JARID2: variants seen among roughly 807,000 people sequenced by gnomAD.
The protein encoded by JARID2 is protein Jumonji.
In JARID2, 21 loss-of-function variants were observed where a neutral mutation model predicts 125.6. The observed-to-expected ratio is 0.17, with a 90% CI of 0.12 to 0.24. The LOEUF (loss-of-function observed/expected upper bound fraction) is 0.24, where lower values mean the gene tolerates loss of function less well. JARID2 is among the 10% of genes least tolerant of loss of function. JARID2 has a pLI of 1.00. For synonymous variants in JARID2, 736 were observed against 661.6 expected, an observed-to-expected ratio of 1.11 and a Z score of -1.73; for missense variants, 1,303 against 1,639.6, an observed-to-expected ratio of 0.79 and a Z score of 3.55.
In JARID2 at chr6:15,394,688, G is replaced by T. The variant is rs189147525; in HGVS notation, c.182-15536G>T. Reference sequence around the variant, plus strand: ...TGTTACCTTTGTATGTTTTGAAATTGTACTGGAATAACACCTGTCAAATGG... The same window carrying T: ...TGTTACCTTTGTATGTTTTGAAATTTTACTGGAATAACACCTGTCAAATGG... On this transcript the variant is annotated intron_variant, in intron 2 of 17. Coordinates refer to ENST00000341776, the MANE Select transcript of JARID2 (RefSeq NM_004973.4). Among the ~76,000 whole-genome samples the T allele has an allele frequency of 1.9e-4, 29 of 152,300 alleles. No homozygotes were observed. In the East Asian group the frequency reaches 5.2e-3, roughly 27 times the overall value.
At chr6:15,500,527 C>T (rs890190018) in intron 7 of JARID2, among the ~76,000 whole-genome samples, 6 of 152,166 alleles carry the variant, frequency 3.9e-5, no homozygotes, top group Non-Finnish European at 7.4e-5. Flanking sequence ...GGGAGCTAGT[C>T]TTCTCATGAC....
chr6:15,520,277 A>G lies in JARID2; in HGVS notation c.*26A>G, dbSNP rs1174335290. 2 of 1,529,774 alleles carry G rather than the reference A, an allele frequency of 1.3e-6. No homozygotes were observed. Among genetic ancestry groups the G allele is most frequent in the Non-Finnish European group, 1.8e-6 (2 of 1,140,092 alleles). 94.8% of individuals were successfully genotyped at this position (1,529,774 alleles called of 1,614,324 possible). A position where few individuals can be genotyped will look rare whatever the true frequency, so the allele number is the denominator to read the frequency against. ...AGATGCCAACGCCCGTGGTCGATTT[A>G]TATATATTTTTTTGTAATTATTATA... On this transcript the variant is annotated 3_prime_UTR_variant, in exon 18 of 18. Transcript: ENST00000341776.
intron 4 of JARID2, among the ~76,000 whole-genome samples, chr6:15,452,608 G>A (rs1322034183): frequency 1.3e-5 from 2 of 152,122 alleles, no homozygotes; most frequent in African/African-American, 4.8e-5. Flanking sequence ...GGTGATGAGG[G>A]ACTTACGGTT....
chr6:15,501,531 G>C lies in JARID2; in HGVS notation c.2448+122G>C, dbSNP rs144195633. On this transcript the variant is annotated intron_variant, in intron 8 of 17. Transcript: ENST00000341776. ...TGATTCCCTGGGGTGATGAGGGGGC[G>C]GGCCACTGTGCTGGGTGATAGCGCT... 1.0e-5 allele frequency: 9 copies of C among 894,988 alleles called. No homozygotes were observed. The East Asian group carries it at 2.1e-4, about 21-fold the overall frequency. The allele number at this position is 894,988 out of a possible 1,614,324, so 55.4% of individuals were successfully genotyped here.
chr6:15,501,910 A>G (rs1581653938), intron 8 of JARID2, among the ~76,000 whole-genome samples: 1 of 152,148 alleles, frequency 6.6e-6, no homozygotes, highest in East Asian at 1.9e-4. Flanking sequence ...CTGGTGCTCG[A>G]CAGCTGCCCA....
At chr6:15,348,466 T>G (rs1408970803) in intron 1 of JARID2, among the ~76,000 whole-genome samples, 1 of 152,232 alleles carries the variant, frequency 6.6e-6, no homozygotes, top group Non-Finnish European at 1.5e-5. Flanking sequence ...GGGTTCTCAG[T>G]ATTTTTTAAA....
At chr6:15,512,135 C>A in intron 13 of JARID2, 73 bp from the exon 14 acceptor site, 1 of 1,316,986 alleles carries the variant, frequency 7.6e-7, no homozygotes, top group Non-Finnish European at 1.1e-6. Flanking sequence ...TTAGGGTGCG[C>A]ATACGTCACC....
intron 5 of JARID2, among the ~76,000 whole-genome samples, chr6:15,483,404 T>C (rs745760905): frequency 4.0e-5 from 6 of 151,294 alleles, no homozygotes; most frequent in Non-Finnish European, 7.4e-5. Flanking sequence ...TTTTTTTAAC[T>C]GCTACTAATC....
intron 3 of JARID2, among the ~76,000 whole-genome samples, chr6:15,429,485 C>G (rs1040228205): frequency 2.0e-5 from 3 of 152,000 alleles, no homozygotes; most frequent in East Asian, 3.9e-4. Context: ...GGGCTGGTTG[C>G]GAACTCCTGG....
chr6:15,436,634 T>G (rs923225545), intron 3 of JARID2, among the ~76,000 whole-genome samples: 7 of 152,196 alleles, frequency 4.6e-5, no homozygotes, highest in African/African-American at 1.4e-4. Context: ...CTACCCAGCT[T>G]TTCCCTCCCC....
intron 1 of JARID2, among the ~76,000 whole-genome samples, chr6:15,323,623 C>T (rs1762429144): frequency 6.6e-6 from 1 of 152,188 alleles, no homozygotes; most frequent in Non-Finnish European, 1.5e-5. Context: ...CTTAACATTG[C>T]CTTCCAAAGA....
chr6:15,496,230 T>G lies in JARID2; in HGVS notation c.1005T>G (p.Thr335=). The change falls in exon 7 of 18, where the codon ACT becomes ACG. Residue 335 remains threonine (T), a synonymous_variant. Coordinates refer to ENST00000341776, the MANE Select transcript of JARID2 (RefSeq NM_004973.4). ...AGGTCAGACCTTCACCATCCAAAACTGTGAAGTACACTGCCACGGTGACGA... is the reference window on the plus strand; with the variant it reads ...AGGTCAGACCTTCACCATCCAAAACGGTGAAGTACACTGCCACGGTGACGA... The part of the protein sequence containing the change: ...MREVRPSPSK[T]VKYTATVTKG... 1 of 1,614,132 alleles carries G rather than the reference T, an allele frequency of 6.2e-7. No homozygotes were observed. Among genetic ancestry groups the G allele is most frequent in the Non-Finnish European group, 8.5e-7 (1 of 1,180,036 alleles).
intron 7 of JARID2, among the ~76,000 whole-genome samples, chr6:15,497,652 A>C (rs1046270482): frequency 6.7e-6 from 1 of 149,000 alleles, no homozygotes; most frequent in African/African-American, 2.5e-5. Context: ...TTCCGTCTCA[A>C]AAAAAAAAAA....
At chr6:15,488,759 T>C (rs955050923) in intron 6 of JARID2, among the ~76,000 whole-genome samples, 11 of 151,214 alleles carry the variant, frequency 7.3e-5, no homozygotes, top group African/African-American at 2.7e-4. Context: ...GTTGGGGGGG[T>C]GGGCATGGCA....
intron 1 of JARID2, among the ~76,000 whole-genome samples, chr6:15,323,370 G>A (rs1762421993): frequency 6.6e-6 from 1 of 152,080 alleles, no homozygotes; most frequent in Non-Finnish European, 1.5e-5. Flanking sequence ...GTGTGCTACA[G>A]CACCGGGAAA....
intron 16 of JARID2, among the ~76,000 whole-genome samples, 180 bp downstream of exon 16, chr6:15,513,602 C>T (rs1771387474): frequency 6.6e-6 from 1 of 152,254 alleles, no homozygotes; most frequent in South Asian, 2.1e-4. Flanking sequence ...GCCTCACCCA[C>T]AGTGACCAGG....
intron 5 of JARID2, among the ~76,000 whole-genome samples, chr6:15,480,687 C>T (rs750576521): frequency 2.0e-5 from 3 of 152,200 alleles, no homozygotes; most frequent in East Asian, 1.9e-4. Flanking sequence ...CTCTGAAGAA[C>T]GCAAAGCACT....
At chr6:15,394,884 A>T (rs1028210561) in intron 2 of JARID2, among the ~76,000 whole-genome samples, 7 of 151,902 alleles carry the variant, frequency 4.6e-5, no homozygotes, top group Admixed American at 3.9e-4. Context: ...ATTCAGAACC[A>T]AAGCATTGCT....
At position 15,294,856 on chromosome 6, in the gene JARID2, A is replaced by C. The variant is rs542394735; in HGVS notation, c.45+48272A>C. 8.0e-4 allele frequency among the ~76,000 whole-genome samples: 122 copies of C among 152,304 alleles called. 1 individual carries two copies. Among genetic ancestry groups the C allele is most frequent in the Non-Finnish European group, 1.1e-3 (74 of 68,038 alleles). On this transcript the variant is annotated intron_variant, in intron 1 of 17. Coordinates refer to ENST00000341776, the MANE Select transcript of JARID2 (RefSeq NM_004973.4). ...CAAGGGAAGGACTTTGTCTCCTGGA[A>C]GATATCTGGGAACTTGGGACAGAGC...
Sources: gnomAD v4.1 joint callset for allele counts (sites outside exome capture counted in the v4.1 genomes callset) on GRCh38, gnomAD v4.1.1 for gene constraint, MANE v1.5 for transcripts, NCBI Gene and HGNC (gene_info 2026-07-23, HGNC 2026-07-21) for gene names.